POLD1: variants seen among roughly 807,000 people sequenced by gnomAD.
The protein encoded by POLD1 is DNA polymerase delta catalytic subunit.
A neutral mutation model predicts 129.7 loss-of-function variants in POLD1; 79 were observed. The observed-to-expected ratio is 0.61, with a 90% CI of 0.51 to 0.73. The LOEUF (loss-of-function observed/expected upper bound fraction) is 0.73, where lower values mean the gene tolerates loss of function less well. Ranked by LOEUF, POLD1 falls within the 30% of genes least tolerant of loss-of-function variation. POLD1 has a pLI of 0.00. For missense variants in POLD1, 1,338 were observed against 1,595.8 expected, an observed-to-expected ratio of 0.84 and a Z score of 2.75; for synonymous variants, 714 against 683.3, an observed-to-expected ratio of 1.04 and a Z score of -0.70.
intron 19 of POLD1, among the ~76,000 whole-genome samples, chr19:50,414,604 T>A (rs1326537008): frequency 6.6e-6 from 1 of 152,194 alleles, no homozygotes; most frequent in Non-Finnish European, 1.5e-5. Flanking sequence ...CAGATTGGGG[T>A]CTCTGGTGTG....
In POLD1 at chr19:50,416,675, A is replaced by G. The variant is rs2122497197; in HGVS notation, c.3019A>G (p.Lys1007Glu). 6.4e-7 allele frequency: 1 copy of G among 1,555,706 alleles called. No individual in the cohort carries two copies. The highest frequency in any genetic ancestry group is 8.7e-7 in the Non-Finnish European group (1 of 1,155,190). ...GKVGGLLAFA[K>E]RRNCCIGCRT... Reference sequence around the variant, plus strand: ...GGTGGGCGGCCTCCTGGCCTTCGCCAAACGCCGCAACTGCTGCATTGGCTG... The same window carrying G: ...GGTGGGCGGCCTCCTGGCCTTCGCCGAACGCCGCAACTGCTGCATTGGCTG... Residue 1007 changes from lysine (K) to glutamate (E), a missense_variant, in exon 24 of 27, where the codon AAA (lysine) becomes GAA (glutamate). Transcript: ENST00000440232.
chr19:50,396,327 G>A (rs1397736293), intron 1 of POLD1, among the ~76,000 whole-genome samples: 2 of 150,886 alleles, frequency 1.3e-5, no homozygotes, highest in African/African-American at 4.9e-5. Flanking sequence ...GACCTCAAGT[G>A]ATCCACCCGC....
chr19:50,391,205 T>G (rs1225474715), intron 1 of POLD1, among the ~76,000 whole-genome samples: 1 of 149,998 alleles, frequency 6.7e-6, no homozygotes, highest in East Asian at 2.0e-4. Flanking sequence ...CGCTCCTCAC[T>G]TCCTAGACGG....
At chr19:50,389,375 G>A (rs957778229) in intron 1 of POLD1, among the ~76,000 whole-genome samples, 6 of 152,008 alleles carry the variant, frequency 3.9e-5, no homozygotes, top group African/African-American at 1.4e-4. Context: ...CCCTGCCTCG[G>A]CCTCCAAATG....
intron 1 of POLD1, among the ~76,000 whole-genome samples, chr19:50,387,020 G>A (rs868384265): frequency 1.3e-5 from 2 of 152,036 alleles, no homozygotes; most frequent in Non-Finnish European, 2.9e-5. Context: ...GTGAAACCCC[G>A]TCTCTACTAA....
At chr19:50,414,773 G>C in intron 19 of POLD1, 42 bp from the exon 20 acceptor site, 1 of 1,440,998 alleles carries the variant, frequency 6.9e-7, no homozygotes, top group Non-Finnish European at 9.2e-7. Flanking sequence ...ATTGGGGCTT[G>C]GCCTCCTCAG....
At position 50,401,860 on chromosome 19, in the gene POLD1, G is replaced by A. The variant is rs757940686; in HGVS notation, c.399G>A (p.Glu133=). 1.9e-5 allele frequency: 30 copies of A among 1,614,010 alleles called. No individual in the cohort carries two copies. Among genetic ancestry groups the A allele is most frequent in the Non-Finnish European group, 2.4e-5 (28 of 1,179,966 alleles). ...PVLRAFGVTD[E]GFSVCCHIHG... is the part of the protein sequence containing the mutation. ...TCCGCGCCTTCGGGGTCACCGATGA[G>A]GGGTTCTCTGTCTGCTGCCACATCC... The change falls in exon 4 of 27, where the codon GAG becomes GAA. Residue 133 remains glutamate (E), a synonymous_variant. Coordinates refer to ENST00000440232, the MANE Select transcript of POLD1 (RefSeq NM_002691.4).
chr19:50,387,351 C>CT (rs2038006846), intron 1 of POLD1, among the ~76,000 whole-genome samples: 1 of 152,160 alleles, frequency 6.6e-6, no homozygotes, highest in African/African-American at 2.4e-5. Context: ...AAATGAGTGT[C>CT]TCACTCATCG....
intron 17 of POLD1, among the ~76,000 whole-genome samples, chr19:50,412,154 TTTTG>T (rs778149382): frequency 5.9e-5 from 9 of 152,008 alleles, no homozygotes; most frequent in South Asian, 2.1e-4. Context: ...CTCTTTTAGT[TTTTG>T]TTTGTTTGTT....
In POLD1 at chr19:50,402,058, G is replaced by T. The variant is rs1601199588; in HGVS notation, c.523G>T (p.Asp175Tyr). 1 of 1,613,966 alleles carries T rather than the reference G, an allele frequency of 6.2e-7. No homozygotes were observed. Among genetic ancestry groups the T allele is most frequent in the Admixed American group, 1.7e-5 (1 of 60,004 alleles). Residue 175 changes from aspartate (D) to tyrosine (Y), a missense_variant, in exon 5 of 27, where the codon GAC (aspartate) becomes TAC (tyrosine). By Grantham distance (160) the Asp-to-Tyr change is radical (BLOSUM62 -3). This residue lies in a region of POLD1 where 332 missense variants were observed against 315.7 expected (regional missense o/e 1.05). Transcript: ENST00000440232. Reference sequence around the variant, plus strand: ...GGAGCTGAACTTGGCCATCAGCCGGGACAGTCGCGGGGGGAGGGAGCTGAC... The same window carrying T: ...GGAGCTGAACTTGGCCATCAGCCGGTACAGTCGCGGGGGGAGGGAGCTGAC... ...QRELNLAISRDSRGGRELTGP... is the reference protein window; with the variant it reads ...QRELNLAISRYSRGGRELTGP...
Position 50,402,347 on chromosome 19 carries a change from C to G in POLD1, c.732C>G (p.Tyr244Ter). 6.2e-7 allele frequency: 1 copy of G among 1,610,960 alleles called. No homozygotes were observed. ...AGLGTPSFAP[Y>*]EANVDFEIRF... The stretch of plus-strand genomic sequence containing the variant: ...TGGGCACGCCCAGCTTCGCGCCCTA[C>G]GAGGCCAACGTCGACTTTGAGATCC... Residue 244 changes from tyrosine (Y) to a stop codon, truncating the protein, a stop_gained, in exon 6 of 27, where the codon TAC becomes TAG. Coordinates refer to ENST00000440232, the MANE Select transcript of POLD1 (RefSeq NM_002691.4). LOFTEE classifies it high-confidence loss of function.
intron 10 of POLD1, among the ~76,000 whole-genome samples, chr19:50,404,968 T>G (rs2122298564): frequency 6.6e-6 from 1 of 152,028 alleles, no homozygotes; most frequent in Non-Finnish European, 1.5e-5. Context: ...TTTCTCCATG[T>G]TGGCCAGGCT....
At chr19:50,387,292 A>T (rs1229432381) in intron 1 of POLD1, among the ~76,000 whole-genome samples, 1 of 152,182 alleles carries the variant, frequency 6.6e-6, no homozygotes, top group Non-Finnish European at 1.5e-5. Flanking sequence ...AAATATATAA[A>T]TAAAAATAAA....
intron 1 of POLD1, among the ~76,000 whole-genome samples, chr19:50,386,064 C>T (rs1276297649): frequency 6.6e-6 from 1 of 152,008 alleles, no homozygotes; most frequent in Non-Finnish European, 1.5e-5. Context: ...CTTTGGGAGC[C>T]AAGAGAAGAA....
chr19:50,393,818 G>A (rs902388517), intron 1 of POLD1, among the ~76,000 whole-genome samples: 5 of 152,156 alleles, frequency 3.3e-5, no homozygotes, highest in South Asian at 4.1e-4. Context: ...CCCCCAGTGT[G>A]CACTTTGCCT....
chr19:50,386,082 G>A (rs919250009), intron 1 of POLD1, among the ~76,000 whole-genome samples: 2 of 152,240 alleles, frequency 1.3e-5, no homozygotes, highest in Non-Finnish European at 2.9e-5. Context: ...GAACCTGTGC[G>A]CTCAGGGAAG....
Position 50,406,741 on chromosome 19 carries a change from C to A in POLD1, c.1494+224C>A, listed in dbSNP as rs867419396. Reference sequence around the variant, plus strand: ...ATGACCTTGTCTCTGCTTTCCTGGCCTGACCACAGGTCCACGGTGGCCTTC... The same window carrying A: ...ATGACCTTGTCTCTGCTTTCCTGGCATGACCACAGGTCCACGGTGGCCTTC... On this transcript the variant is annotated intron_variant, in intron 12 of 26. Coordinates refer to ENST00000440232, the MANE Select transcript of POLD1 (RefSeq NM_002691.4). This position sits in a 1 kb window ranked among gnomAD's most constrained non-coding sequence, Gnocchi z 5.5. Among the ~76,000 whole-genome samples, 1 of 152,250 alleles carries A rather than the reference C, an allele frequency of 6.6e-6. No homozygotes were observed. The highest frequency in any genetic ancestry group is 3.4e-3 in the Middle Eastern group (1 of 294).
chr19:50,395,557 C>T (rs1175190726), intron 1 of POLD1, among the ~76,000 whole-genome samples: 1 of 150,998 alleles, frequency 6.6e-6, no homozygotes, highest in Non-Finnish European at 1.5e-5. Flanking sequence ...GCACTCCAGC[C>T]TGGGAGACAG....
intron 1 of POLD1, among the ~76,000 whole-genome samples, chr19:50,397,496 C>T (rs2038413806): frequency 1.3e-5 from 2 of 151,486 alleles, no homozygotes; most frequent in Admixed American, 6.6e-5. Context: ...CCTCCGCCTC[C>T]CAGGTTCAAG....
Sources: gnomAD v4.1 joint callset for allele counts (sites outside exome capture counted in the v4.1 genomes callset) on GRCh38, gnomAD v4.1.1 for gene constraint, gnomAD v4.1.1 regional missense constraint, Gnocchi (gnomAD v3.1) non-coding constraint, MANE v1.5 for transcripts, NCBI Gene and HGNC (gene_info 2026-07-23, HGNC 2026-07-21) for gene names.